Variants in AGBL1 observed in about 807,000 individuals in gnomAD.
The protein encoded by AGBL1 is AGBL carboxypeptidase 1, also known as cytosolic carboxypeptidase 4.
Under a neutral mutation model 118.9 loss-of-function variants are expected in AGBL1, and 130 were observed. The ratio of observed to expected loss-of-function variants is 1.09; its 90% confidence interval spans 0.95 to 1.26. AGBL1 has a LOEUF of 1.26. Among genes scored for constraint, AGBL1 ranks in the 50% most tolerant of loss-of-function variants. The pLI is 0.00. For missense variants in AGBL1, 1,584 were observed against 1,298.1 expected (o/e 1.22, Z -3.38); for synonymous variants, 555 against 478.9 (o/e 1.16, Z -2.08).
chr15:86,947,648 G>A (rs980693447), intron 23 of AGBL1, among the ~76,000 whole-genome samples: 1 of 152,134 alleles, frequency 6.6e-6, no homozygotes, highest in Non-Finnish European at 1.5e-5. Context: ...AAGAAAATGT[G>A]CACAAAAGAG....
exon 25 of AGBL1, chr15:87,028,844 G>A: frequency 6.2e-7 from 1 of 1,605,098 alleles, no homozygotes; most frequent in Non-Finnish European, 8.5e-7. Flanking sequence ...CACTTGATGA[G>A]GCTCCCTTCA....
At chr15:86,638,247 T>C (rs1238014076) in intron 21 of AGBL1, among the ~76,000 whole-genome samples, 3 of 152,190 alleles carry the variant, frequency 2.0e-5, no homozygotes, top group African/African-American at 7.2e-5. Context: ...ATCATTGTGT[T>C]TTGTGTAGTG....
intron 18 of AGBL1, among the ~76,000 whole-genome samples, chr15:86,436,097 T>A (rs189585674): frequency 6.0e-5 from 9 of 149,816 alleles, no homozygotes; most frequent in Admixed American, 1.3e-4. Context: ...CTCTTTTTTT[T>A]TTTTTTTTTT....
intron 18 of AGBL1, among the ~76,000 whole-genome samples, chr15:86,407,145 A>G (rs925609901): frequency 6.6e-6 from 1 of 152,198 alleles, no homozygotes; most frequent in Non-Finnish European, 1.5e-5. Context: ...TTGGATAAAC[A>G]TGATTTTATT....
At chr15:86,167,266 G>A (rs1352152822) in intron 5 of AGBL1, among the ~76,000 whole-genome samples, 1 of 147,730 alleles carries the variant, frequency 6.8e-6, no homozygotes, top group Non-Finnish European at 1.5e-5. Flanking sequence ...TTTTTTTTGA[G>A]ATCAAGTCTC....
chr15:86,627,608 A>AAGAGG (rs2084907057), intron 21 of AGBL1, among the ~76,000 whole-genome samples: 1 of 152,220 alleles, frequency 6.6e-6, no homozygotes, highest in African/African-American at 2.4e-5. Flanking sequence ...AAAAGCTTAC[A>AAGAGG]AGAGGAAATA....
At chr15:86,550,799 T>C (rs1436308623) in intron 20 of AGBL1, among the ~76,000 whole-genome samples, 1 of 151,952 alleles carries the variant, frequency 6.6e-6, no homozygotes, top group East Asian at 1.9e-4. Flanking sequence ...TGAGTGCACA[T>C]CAAAATTTCT....
At chr15:86,740,103 C>T (rs776720241) in intron 22 of AGBL1, among the ~76,000 whole-genome samples, 3 of 152,100 alleles carry the variant, frequency 2.0e-5, no homozygotes, top group African/African-American at 7.2e-5. Flanking sequence ...TTGGCTAGAG[C>T]CTTAGTAATT....
intron 18 of AGBL1, among the ~76,000 whole-genome samples, chr15:86,508,444 C>A (rs2083009009): frequency 6.6e-6 from 1 of 152,016 alleles, no homozygotes; most frequent in South Asian, 2.1e-4. Flanking sequence ...AGACTTTTTC[C>A]AGGAAACCTA....
chr15:86,921,612 G>T (rs1317694459), intron 23 of AGBL1, among the ~76,000 whole-genome samples: 1 of 152,108 alleles, frequency 6.6e-6, no homozygotes, highest in Non-Finnish European at 1.5e-5. Context: ...TGGGGAGGGA[G>T]AATGAGGAGG....
chr15:86,735,783 A>C (rs2141224730), intron 22 of AGBL1, among the ~76,000 whole-genome samples: 1 of 152,268 alleles, frequency 6.6e-6, no homozygotes, highest in Middle Eastern at 3.4e-3. Flanking sequence ...GCTATATTTT[A>C]AAATGTACAT....
intron 22 of AGBL1, among the ~76,000 whole-genome samples, chr15:86,711,758 T>A (rs1439867370): frequency 1.3e-5 from 2 of 152,176 alleles, no homozygotes; most frequent in African/African-American, 2.4e-5. Context: ...GCTTTGCTGC[T>A]ACAGTGGCAG....
chr15:86,621,863 C>T (rs1293196922), intron 21 of AGBL1, among the ~76,000 whole-genome samples: 1 of 152,126 alleles, frequency 6.6e-6, no homozygotes, highest in East Asian at 1.9e-4. Flanking sequence ...ATATTAATTC[C>T]CTTTTCCAAA....
At chr15:86,355,811 T>C (rs148193301) in intron 17 of AGBL1, among the ~76,000 whole-genome samples, 1 of 152,324 alleles carries the variant, frequency 6.6e-6, no homozygotes, top group Non-Finnish European at 1.5e-5. Context: ...TTTCTCACAG[T>C]GACATCTCTT....
At chr15:86,151,035 C>T (rs1241134598) in intron 3 of AGBL1, among the ~76,000 whole-genome samples, 2 of 151,742 alleles carry the variant, frequency 1.3e-5, no homozygotes, top group African/African-American at 2.4e-5. Flanking sequence ...TCATCATTCT[C>T]AGTAAACTAT....
At chr15:86,226,254 C>T (rs1310531981) in intron 6 of AGBL1, among the ~76,000 whole-genome samples, 1 of 152,156 alleles carries the variant, frequency 6.6e-6, no homozygotes, top group African/African-American at 2.4e-5. Context: ...TATTTATCTG[C>T]TCCCTCGGTT....
intron 17 of AGBL1, among the ~76,000 whole-genome samples, chr15:86,313,217 G>A (rs1302383209): frequency 1.3e-5 from 2 of 152,078 alleles, no homozygotes; most frequent in African/African-American, 4.8e-5. Context: ...CTTTGAGGTC[G>A]ATTTTCTTGG....
intron 24 of AGBL1, among the ~76,000 whole-genome samples, chr15:87,014,901 G>C (rs1012332932): frequency 1.3e-5 from 2 of 152,090 alleles, no homozygotes; most frequent in African/African-American, 4.8e-5. Flanking sequence ...GGGCTGCCTA[G>C]ATGGCTGGTG....
intron 8 of AGBL1, 111 bp downstream of exon 8, chr15:86,257,129 T>A: frequency 8.4e-7 from 1 of 1,194,758 alleles, no homozygotes. Context: ...CAACCATAAT[T>A]GTCTATTAAG....
Sources: allele counts gnomAD v4.1 joint callset (sites outside exome capture counted in the v4.1 genomes callset), GRCh38; gene constraint gnomAD v4.1.1; transcripts MANE v1.5; gene names NCBI Gene and HGNC (gene_info 2026-07-23, HGNC 2026-07-21).